Variants in NRG1 observed in about 807,000 individuals in gnomAD.
NRG1 encodes neuregulin 1.
A neutral mutation model predicts 63.8 loss-of-function variants in NRG1; 18 were observed. The observed-to-expected ratio is 0.28, with a 90% confidence interval of 0.19 to 0.42. NRG1 has a LOEUF of 0.42. Ranked by LOEUF, NRG1 falls within the 10% of genes least tolerant of loss-of-function variation. The pLI, the probability that NRG1 is intolerant of heterozygous loss-of-function variation, is 1.00. For synonymous variants in NRG1, 302 were observed against 301.3 expected (o/e 1.00, Z -0.02); for missense variants, 762 against 814.7 (o/e 0.94, Z 0.79).
chr8:31,822,057 T>G (rs759718618), intron 1 of NRG1, among the ~76,000 whole-genome samples: 1 of 152,240 alleles, frequency 6.6e-6, no homozygotes, highest in Non-Finnish European at 1.5e-5. Flanking sequence ...TTATTTGATT[T>G]AAGTGAAACT....
chr8:31,849,711 A>C (rs986279398), intron 1 of NRG1, among the ~76,000 whole-genome samples: 1 of 152,142 alleles, frequency 6.6e-6, no homozygotes, highest in African/African-American at 2.4e-5. Context: ...GCTGTATCAC[A>C]CTTCCCTGTG....
intron 1 of NRG1, among the ~76,000 whole-genome samples, chr8:32,013,691 G>A (rs1172657093): frequency 6.6e-6 from 1 of 152,202 alleles, no homozygotes; most frequent in South Asian, 2.1e-4. Context: ...TGGAAACCCT[G>A]TCTGTCCACT....
chr8:32,070,911 C>G (rs1825663851), intron 1 of NRG1, among the ~76,000 whole-genome samples: 1 of 152,180 alleles, frequency 6.6e-6, no homozygotes, highest in African/African-American at 2.4e-5. Flanking sequence ...CCTGCACTAA[C>G]CTCTACACCC....
chr8:31,836,655 T>G (rs563718160), intron 1 of NRG1, among the ~76,000 whole-genome samples: 36 of 152,200 alleles, frequency 2.4e-4, no homozygotes, highest in Middle Eastern at 3.4e-3. Context: ...AAGCTTCTAT[T>G]GCACGTACCA....
intron 1 of NRG1, among the ~76,000 whole-genome samples, chr8:32,270,380 C>A (rs1226320132): frequency 6.6e-6 from 1 of 152,128 alleles, no homozygotes; most frequent in East Asian, 1.9e-4. Flanking sequence ...CCACAGATTC[C>A]TGTTTATGTA....
At chr8:32,226,842 A>G (rs531778419) in intron 1 of NRG1, among the ~76,000 whole-genome samples, 26 of 152,292 alleles carry the variant, frequency 1.7e-4, no homozygotes, top group African/African-American at 6.0e-4. Flanking sequence ...CTTCACAACA[A>G]AAGAGGAAGG....
intron 1 of NRG1, among the ~76,000 whole-genome samples, chr8:31,887,463 T>A (rs1830810253): frequency 6.6e-6 from 1 of 152,002 alleles, no homozygotes; most frequent in African/African-American, 2.4e-5. Context: ...ATTCTTAGAG[T>A]GGAAATTATT....
intron 5 of NRG1, among the ~76,000 whole-genome samples, chr8:32,639,962 G>A (rs1852023088): frequency 6.6e-6 from 1 of 152,080 alleles, no homozygotes; most frequent in Admixed American, 6.5e-5. Flanking sequence ...AAATAAGATT[G>A]CACATTGGAT....
chr8:32,007,939 C>G (rs1814051907), intron 1 of NRG1, among the ~76,000 whole-genome samples: 1 of 151,862 alleles, frequency 6.6e-6, no homozygotes, highest in African/African-American at 2.4e-5. Flanking sequence ...CAGTGCCCAT[C>G]CCCCACTCCA....
intron 5 of NRG1, among the ~76,000 whole-genome samples, chr8:32,693,851 CAT>C (rs1162605131): frequency 1.3e-5 from 2 of 152,158 alleles, no homozygotes; most frequent in Non-Finnish European, 2.9e-5. Context: ...CTTGTTCCTA[CAT>C]ATGTTTGTTA....
At chr8:32,617,969 TA>T (rs1390451251) in intron 5 of NRG1, among the ~76,000 whole-genome samples, 19 of 152,286 alleles carry the variant, frequency 1.2e-4, no homozygotes, top group Non-Finnish European at 2.9e-5. Flanking sequence ...TTTAACTACA[TA>T]AAGCGTCATT....
intron 1 of NRG1, among the ~76,000 whole-genome samples, chr8:32,109,411 C>G (rs187049696): frequency 1.3e-5 from 2 of 152,222 alleles, no homozygotes; most frequent in Non-Finnish European, 2.9e-5. Context: ...TTGAGACCAT[C>G]TGTCCAAAAC....
At position 32,071,654 on chromosome 8, in the gene NRG1, G is replaced by C. The variant is rs138569554; in HGVS notation, c.37+432223G>C. On this transcript the variant is annotated intron_variant, in intron 1 of 10. Transcript: ENST00000519301. Reference sequence around the variant, plus strand: ...CAGTGGGATGAGGCAATCAAACTGAGGTTTTCTTTCATGATAACTATTTTT... The same window carrying C: ...CAGTGGGATGAGGCAATCAAACTGACGTTTTCTTTCATGATAACTATTTTT... Among the ~76,000 whole-genome samples the C allele has an allele frequency of 1.5e-3, 228 of 152,236 alleles. 3 individuals are homozygous for C. The highest frequency in any genetic ancestry group is 2.4e-3 in the Non-Finnish European group (166 of 68,024).
chr8:32,735,116 A>G (rs1370509386), intron 6 of NRG1, among the ~76,000 whole-genome samples: 1 of 152,208 alleles, frequency 6.6e-6, no homozygotes, highest in Non-Finnish European at 1.5e-5. Context: ...AAAAAAGAGT[A>G]TGCAGTCATA....
At chr8:32,653,222 A>G (rs1297048137) in intron 5 of NRG1, among the ~76,000 whole-genome samples, 3 of 151,954 alleles carry the variant, frequency 2.0e-5, no homozygotes, top group Admixed American at 1.3e-4. Context: ...CGGTTATATG[A>G]CAGTGGAAAA....
At chr8:32,359,743 T>C (rs1362594106) in intron 1 of NRG1, among the ~76,000 whole-genome samples, 1 of 152,220 alleles carries the variant, frequency 6.6e-6, no homozygotes, top group Non-Finnish European at 1.5e-5. Context: ...GAGTGAAAGA[T>C]ACATTGATTT....
chr8:31,639,606 A>G (rs1803533228), intron 1 of NRG1: 3 of 1,406,666 alleles, frequency 2.1e-6, no homozygotes, highest in South Asian at 1.5e-5. Context: ...CCCGCGGAGC[A>G]GCTCCTCCAC....
At chr8:31,835,574 G>T (rs1456762822) in intron 1 of NRG1, among the ~76,000 whole-genome samples, 1 of 152,118 alleles carries the variant, frequency 6.6e-6, no homozygotes, top group African/African-American at 2.4e-5. Context: ...TGGATAAGTG[G>T]ATTCAGATTC....
chr8:31,981,057 G>A (rs568775589), intron 1 of NRG1, among the ~76,000 whole-genome samples: 2 of 152,120 alleles, frequency 1.3e-5, no homozygotes, highest in African/African-American at 4.8e-5. Context: ...TTAGAAATCT[G>A]TAGAGTGACA....
Sources: gnomAD v4.1 joint callset for allele counts (sites outside exome capture counted in the v4.1 genomes callset) on GRCh38, gnomAD v4.1.1 for gene constraint, MANE v1.5 for transcripts, NCBI Gene and HGNC (gene_info 2026-07-23, HGNC 2026-07-21) for gene names.